The following YWHAE variants were observed in gnomAD, a reference collection of about 807,000 sequenced individuals.
YWHAE encodes 14-3-3 protein epsilon.
A neutral mutation model predicts 30.1 loss-of-function variants in YWHAE; 4 were observed. The observed-to-expected ratio is 0.13, with a 90% confidence interval of 0.07 to 0.30. The LOEUF is 0.30. Ranked by LOEUF, YWHAE falls within the 10% of genes least tolerant of loss-of-function variation. YWHAE has a pLI of 1.00. For synonymous variants in YWHAE, 118 were observed against 111.8 expected, an observed-to-expected ratio of 1.06 and a Z score of -0.35; for missense variants, 121 against 315.9, an observed-to-expected ratio of 0.38 and a Z score of 4.68.
intron 4 of YWHAE, among the ~76,000 whole-genome samples, chr17:1,355,840 A>C (rs993152154): frequency 1.3e-5 from 2 of 152,044 alleles, no homozygotes; most frequent in African/African-American, 4.8e-5. Flanking sequence ...GGAGTTCAAG[A>C]CCAGCCGGGC....
chr17:1,384,564 G>A (rs1007593131), intron 1 of YWHAE, among the ~76,000 whole-genome samples: 9 of 151,722 alleles, frequency 5.9e-5, no homozygotes, highest in Non-Finnish European at 1.3e-4. Context: ...ATGGTGGCAG[G>A]CACCTGTACT....
chr17:1,398,496 G>A (rs1305206981), intron 1 of YWHAE, among the ~76,000 whole-genome samples: 1 of 152,004 alleles, frequency 6.6e-6, no homozygotes, highest in Admixed American at 6.6e-5. Context: ...TAACCCTGAG[G>A]TTATTCACAT....
chr17:1,345,314 G>C lies in YWHAE; in HGVS notation c.*133C>G, dbSNP rs1172013562. Reference sequence around the variant, plus strand: ...TAAAAAAAAAAAAAAAAAACCAACAGGGCAGGAACCTAAATTCTGAGACCA... The same window carrying C: ...TAAAAAAAAAAAAAAAAAACCAACACGGCAGGAACCTAAATTCTGAGACCA... On this transcript the variant is annotated 3_prime_UTR_variant, in exon 6 of 6. Coordinates refer to ENST00000264335, the MANE Select transcript of YWHAE (RefSeq NM_006761.5). 1.2e-6 allele frequency: 1 copy of C among 809,660 alleles called. No individual in the cohort carries two copies. Among genetic ancestry groups the C allele is most frequent in the Non-Finnish European group, 2.0e-6 (1 of 510,478 alleles). The allele number at this position is 809,660 out of a possible 1,614,324, so 50.2% of individuals were successfully genotyped here.
intron 3 of YWHAE, 56 bp downstream of exon 3, chr17:1,361,846 G>T: frequency 8.6e-7 from 1 of 1,166,076 alleles, no homozygotes; most frequent in South Asian, 1.5e-5. Context: ...ACAAAGTTAT[G>T]GTTCTAAAAG....
intron 1 of YWHAE, among the ~76,000 whole-genome samples, chr17:1,388,306 G>A (rs866784262): frequency 2.0e-5 from 3 of 150,828 alleles, no homozygotes; most frequent in Middle Eastern, 3.4e-3. Flanking sequence ...CGTGAGATCA[G>A]GAGATCAAGA....
intron 1 of YWHAE, among the ~76,000 whole-genome samples, chr17:1,366,364 A>AC (rs1417380648): frequency 1.3e-5 from 2 of 151,064 alleles, no homozygotes; most frequent in South Asian, 2.1e-4. Context: ...ACGTGGTGAA[A>AC]CGGTCTCTAC....
intron 5 of YWHAE, chr17:1,348,086 A>G (rs1057197895): frequency 7.4e-5 from 53 of 718,488 alleles, no homozygotes; most frequent in Non-Finnish European, 9.1e-5. Flanking sequence ...ACAGAGCAGG[A>G]CAAAGGAAAA....
Position 1,361,080 on chromosome 17 carries a change from C to A in YWHAE, c.578+12G>T. 6.2e-7 allele frequency: 1 copy of A among 1,613,232 alleles called. No individual in the cohort carries two copies. The highest frequency in any genetic ancestry group is 1.1e-5 in the South Asian group (1 of 91,060). ...TTCACGCTGAGCGCTGCTGTTCTTC[C>A]CCACAACTTACCTGCAGGCACGGTC... On this transcript the variant is annotated intron_variant, in intron 4 of 5. Coordinates refer to ENST00000264335, the MANE Select transcript of YWHAE (RefSeq NM_006761.5).
chr17:1,351,887 A>G (rs1390730585), intron 5 of YWHAE, among the ~76,000 whole-genome samples: 1 of 151,924 alleles, frequency 6.6e-6, no homozygotes, highest in African/African-American at 2.4e-5. Context: ...TCCTGGGTTC[A>G]AGCAATTCTC....
intron 5 of YWHAE, among the ~76,000 whole-genome samples, chr17:1,353,600 T>TA (rs1567956755): frequency 6.6e-6 from 1 of 151,880 alleles, no homozygotes; most frequent in Non-Finnish European, 1.5e-5. Flanking sequence ...CCGTCTCTAC[T>TA]AAAAATACAA....
At chr17:1,382,563 T>C (rs1033082552) in intron 1 of YWHAE, among the ~76,000 whole-genome samples, 2 of 150,786 alleles carry the variant, frequency 1.3e-5, no homozygotes, top group Non-Finnish European at 3.0e-5. Flanking sequence ...GGTTTCACTA[T>C]GTTAGCCAGG....
intron 1 of YWHAE, chr17:1,369,595 C>T (rs987923856): frequency 6.6e-6 from 1 of 152,070 alleles, no homozygotes; most frequent in African/African-American, 2.4e-5. Context: ...AAGAAAAGCC[C>T]CAAACCCATT....
At chr17:1,356,170 A>AC (rs1567958981) in intron 4 of YWHAE, among the ~76,000 whole-genome samples, 121 of 116,736 alleles carry the variant, frequency 1.0e-3, no homozygotes, top group African/African-American at 2.9e-3. Flanking sequence ...CTCCGTCTAA[A>AC]AACACACACA....
chr17:1,363,677 A>T (rs1192044054), intron 2 of YWHAE, among the ~76,000 whole-genome samples: 1 of 152,154 alleles, frequency 6.6e-6, no homozygotes, highest in African/African-American at 2.4e-5. Context: ...TAAAGATTTC[A>T]TGTACTACCT....
chr17:1,388,102 T>G (rs12944541), intron 1 of YWHAE, among the ~76,000 whole-genome samples: 2 of 44,106 alleles, frequency 4.5e-5, no homozygotes, highest in East Asian at 1.1e-3. Flanking sequence ...GTAATTTTTG[T>G]TTTTTTTTTT....
At chr17:1,363,821 T>C (rs2072900936) in intron 2 of YWHAE, among the ~76,000 whole-genome samples, 1 of 141,116 alleles carries the variant, frequency 7.1e-6, no homozygotes, top group African/African-American at 2.6e-5. Context: ...TGTAATTCTC[T>C]TCCCTGTTCT....
intron 1 of YWHAE, among the ~76,000 whole-genome samples, chr17:1,383,571 T>C (rs2073250278): frequency 3.1e-5 from 2 of 64,624 alleles, no homozygotes; most frequent in South Asian, 8.0e-4. Context: ...GTATTTTTAG[T>C]AGAGATGGGT....
At chr17:1,385,144 CAAAA>C (rs56023639) in intron 1 of YWHAE, among the ~76,000 whole-genome samples, 108 of 86,806 alleles carry the variant, frequency 1.2e-3, no homozygotes, top group South Asian at 6.8e-3. Flanking sequence ...GACTCTGTCT[CAAAA>C]AAAAAAAAAA....
At position 1,349,299 on chromosome 17, in the gene YWHAE, G is replaced by A. The variant is rs1045705469; in HGVS notation, c.716-3800C>T. ...GGAAGCTGCAGTGAGCAGAGATTGC[G>A]CCACTATACTCCACCCTGGGCAACA... On this transcript the variant is annotated intron_variant, in intron 5 of 5. Transcript: ENST00000264335. Among the ~76,000 whole-genome samples the A allele has an allele frequency of 6.6e-5, 10 of 152,120 alleles. No individual in the cohort carries two copies. In the South Asian group the frequency reaches 1.4e-3, roughly 22 times the overall value.
Sources: allele counts gnomAD v4.1 joint callset (sites outside exome capture counted in the v4.1 genomes callset), GRCh38; gene constraint gnomAD v4.1.1; transcripts MANE v1.5; gene names NCBI Gene and HGNC (gene_info 2026-07-23, HGNC 2026-07-21).